TUBA4B: variants seen among roughly 807,000 people sequenced by gnomAD.
TUBA4B encodes the protein tubulin alpha 4b.
A neutral mutation model predicts 18.4 loss-of-function variants in TUBA4B; 13 were observed. That is an observed-to-expected ratio of 0.71 (90% CI 0.46 to 1.12). TUBA4B has a LOEUF of 1.12. TUBA4B is among the 50% of genes most tolerant of loss of function. The pLI is 0.00. For synonymous variants in TUBA4B, 101 were observed against 99.1 expected (o/e 1.02, Z -0.11); for missense variants, 244 against 250.0 (o/e 0.98, Z 0.16).
Position 219,271,921 on chromosome 2 carries a change from T to C in TUBA4B, c.*222T>C. 1 of 1,448,368 alleles carries C rather than the reference T, an allele frequency of 6.9e-7. No individual in the cohort carries two copies. Among genetic ancestry groups the C allele is most frequent in the East Asian group, 2.3e-5 (1 of 44,060 alleles). The allele number at this position is 1,448,368 out of a possible 1,614,324, so 89.7% of individuals were successfully genotyped here. ...AAAGTGCAACGTGCCATGTGCATGC[T>C]GAGCAACATGACAGCCATCACTATG... On this transcript the variant is annotated 3_prime_UTR_variant, in exon 4 of 4. Coordinates refer to ENST00000490341, the MANE Select transcript of TUBA4B (RefSeq NM_001355221.1).
chr2:219,272,152 T>G lies in TUBA4B; in HGVS notation c.*453T>G. ...ATAGGGGGGATGAATACTAGGGGAA[T>G]ACTGTGTGTCTGTCCTACATAAAGT... On this transcript the variant is annotated 3_prime_UTR_variant, in exon 4 of 4. Transcript: ENST00000490341. 3 of 598,414 alleles carry G rather than the reference T, an allele frequency of 5.0e-6. No homozygotes were observed. The highest frequency in any genetic ancestry group is 1.9e-5 in the African/African-American group (1 of 51,600). The allele number at this position is 598,414 out of a possible 1,614,324, so 37.1% of individuals were successfully genotyped here.
At chr2:219,256,916 A>G (rs1574889493) in intron 1 of TUBA4B, among the ~76,000 whole-genome samples, 2 of 152,160 alleles carry the variant, frequency 1.3e-5, no homozygotes, top group South Asian at 4.1e-4. Context: ...GATAGGGGCC[A>G]TGAGTAAAAG....
intron 1 of TUBA4B, among the ~76,000 whole-genome samples, chr2:219,264,017 C>T (rs1951774341): frequency 6.6e-6 from 1 of 152,238 alleles, no homozygotes; most frequent in Admixed American, 6.5e-5. Flanking sequence ...AACTGTACAA[C>T]AGTCCCCCCT....
Position 219,264,459 on chromosome 2 carries a change from CAAAAAA to C in TUBA4B, c.13-2050_13-2045del, listed in dbSNP as rs36027298. On this transcript the variant is annotated intron_variant, in intron 1 of 3. Transcript: ENST00000490341. ...TGGGTGACAGAGTGAGGCCCTGTCT[CAAAAAA>C]AAAAAAAAAAAGAACAATAATGATA... 3.8e-5 allele frequency among the ~76,000 whole-genome samples: 3 copies of C among 78,868 alleles called. No homozygotes were observed. In the South Asian group the frequency reaches 1.3e-3, roughly 33 times the overall value. The allele number at this position is 78,868 out of a possible 152,430, so 51.7% of individuals were successfully genotyped here.
intron 1 of TUBA4B, among the ~76,000 whole-genome samples, chr2:219,264,251 G>A (rs1951776241): frequency 6.6e-6 from 1 of 152,180 alleles, no homozygotes; most frequent in South Asian, 2.1e-4. Flanking sequence ...CTTGAGGTCA[G>A]GAGTTCGAGA....
intron 2 of TUBA4B, among the ~76,000 whole-genome samples, chr2:219,267,154 T>A (rs1227727402): frequency 6.6e-6 from 1 of 152,166 alleles, no homozygotes; most frequent in Non-Finnish European, 1.5e-5. Flanking sequence ...TTATTTGATA[T>A]CTTTTACCCA....
rs1951829952 is a variant in TUBA4B, at chr2:219,271,898, A to T, written c.*199A>T. On this transcript the variant is annotated 3_prime_UTR_variant, in exon 4 of 4. Coordinates refer to ENST00000490341, the MANE Select transcript of TUBA4B (RefSeq NM_001355221.1). ...GTGGTGCCTGGGAGTGACCTGGTAA[A>T]GTGCAACGTGCCATGTGCATGCTGA... The T allele has an allele frequency of 6.9e-7, 1 of 1,440,250 alleles. No homozygotes were observed. Among genetic ancestry groups the T allele is most frequent in the African/African-American group, 1.4e-5 (1 of 71,262 alleles). The allele number at this position is 1,440,250 out of a possible 1,614,324, so 89.2% of individuals were successfully genotyped here. A position where few individuals can be genotyped will look rare whatever the true frequency, so the allele number is the denominator to read the frequency against.
intron 1 of TUBA4B, among the ~76,000 whole-genome samples, chr2:219,255,648 G>A (rs1055528633): frequency 2.0e-5 from 3 of 152,138 alleles, no homozygotes; most frequent in Non-Finnish European, 4.4e-5. Context: ...GGGATTACAG[G>A]CCTGAGCAAC....
chr2:219,256,438 G>T (rs1473952847), intron 1 of TUBA4B, among the ~76,000 whole-genome samples: 1 of 152,178 alleles, frequency 6.6e-6, no homozygotes, highest in Non-Finnish European at 1.5e-5. Flanking sequence ...AGCACACCTG[G>T]TAAGCATTTG....
rs1001842617 is a variant in TUBA4B, at chr2:219,271,910, C to CT, written c.*211_*212insT. The stretch of plus-strand genomic sequence containing the variant: ...AGTGACCTGGTAAAGTGCAACGTGC[C>CT]ATGTGCATGCTGAGCAACATGACAG... On this transcript the variant is annotated 3_prime_UTR_variant, in exon 4 of 4. Coordinates refer to ENST00000490341, the MANE Select transcript of TUBA4B (RefSeq NM_001355221.1). The CT allele has an allele frequency of 2.1e-6, 3 of 1,436,650 alleles. No homozygotes were observed. The highest frequency in any genetic ancestry group is 2.0e-6 in the Non-Finnish European group (2 of 1,018,620). 89.0% of individuals were successfully genotyped at this position (1,436,650 alleles called of 1,614,324 possible). A position where few individuals can be genotyped will look rare whatever the true frequency, so the allele number is the denominator to read the frequency against.
intron 2 of TUBA4B, among the ~76,000 whole-genome samples, chr2:219,266,794 G>T (rs1951792993): frequency 6.6e-6 from 1 of 152,124 alleles, no homozygotes; most frequent in African/African-American, 2.4e-5. Context: ...TAACCAGGTT[G>T]TGGGGCTGAG....
chr2:219,268,105 C>CTTTTTTTT (rs544596055), intron 2 of TUBA4B, among the ~76,000 whole-genome samples: 6 of 118,730 alleles, frequency 5.1e-5, no homozygotes, highest in East Asian at 2.8e-4. Flanking sequence ...AACTCATTAT[C>CTTTTTTTT]TTTTTTTTTT....
intron 1 of TUBA4B, among the ~76,000 whole-genome samples, chr2:219,263,947 T>C (rs1951773883): frequency 6.6e-6 from 1 of 152,212 alleles, no homozygotes; most frequent in African/African-American, 2.4e-5. Flanking sequence ...TAAAATACTT[T>C]TATTTGCTAA....
rs550538482 is a variant in TUBA4B at position 219,263,712 on chromosome 2, T to A, written c.13-2809T>A. 7.2e-5 allele frequency among the ~76,000 whole-genome samples: 11 copies of A among 152,330 alleles called. No homozygotes were observed. The South Asian group carries it at 1.5e-3, about 20-fold the overall frequency. ...AGGCTGAGCTTTCTTATCTTTGATA[T>A]GTTAAGTGGCTGGGTCTCTTCTTTG... On this transcript the variant is annotated intron_variant, in intron 1 of 3. Coordinates refer to ENST00000490341, the MANE Select transcript of TUBA4B (RefSeq NM_001355221.1).
chr2:219,258,660 A>G (rs1041595943), intron 1 of TUBA4B, among the ~76,000 whole-genome samples: 6 of 152,124 alleles, frequency 3.9e-5, no homozygotes, highest in African/African-American at 1.4e-4. Flanking sequence ...TCTGAACTCC[A>G]GCCCTGGCAG....
At chr2:219,270,148 T>C (rs1006264233) in intron 2 of TUBA4B, 54 bp from the exon 3 acceptor site, 2 of 691,428 alleles carry the variant, frequency 2.9e-6, no homozygotes, top group African/African-American at 3.5e-5. Flanking sequence ...GCAGCTGGAT[T>C]GCAAAGGGAG....
chr2:219,265,403 G>A (rs1454335292), intron 1 of TUBA4B, among the ~76,000 whole-genome samples: 2 of 152,206 alleles, frequency 1.3e-5, no homozygotes, highest in Non-Finnish European at 2.9e-5. Context: ...TTGGGAGGCT[G>A]AGGCAGGTGG....
intron 1 of TUBA4B, among the ~76,000 whole-genome samples, chr2:219,257,893 G>T (rs1275642839): frequency 6.6e-6 from 1 of 151,198 alleles, no homozygotes. Flanking sequence ...GCCCAAGCTG[G>T]TCTAGAGCTC....
chr2:219,254,004 C>A, intron 1 of TUBA4B: 3 of 787,484 alleles, frequency 3.8e-6, no homozygotes, highest in Non-Finnish European at 3.7e-6. Flanking sequence ...CTGGGCGGCC[C>A]GCAGGCCACG....
Sources: allele counts gnomAD v4.1 joint callset (sites outside exome capture counted in the v4.1 genomes callset), GRCh38; gene constraint gnomAD v4.1.1; transcripts MANE v1.5; gene names NCBI Gene and HGNC (gene_info 2026-07-23, HGNC 2026-07-21).